Variants in GMNC observed in about 807,000 individuals in gnomAD.
GMNC encodes the protein geminin coiled-coil domain containing.
Under a neutral mutation model 33.6 loss-of-function variants are expected in GMNC, and 16 were observed. That is an observed-to-expected ratio of 0.48 (90% CI 0.32 to 0.72). The LOEUF (loss-of-function observed/expected upper bound fraction) is 0.72, where lower values mean the gene tolerates loss of function less well. GMNC is among the 30% of genes least tolerant of loss of function. GMNC has a pLI of 0.03. For missense variants in GMNC, 393 were observed against 388.9 expected (o/e 1.01, Z -0.09); for synonymous variants, 156 against 147.3 (o/e 1.06, Z -0.43).
chr3:190,856,001 C>T (rs1049246760), intron 4 of GMNC, 86 bp from the exon 5 acceptor site: 6 of 1,006,454 alleles, frequency 6.0e-6, no homozygotes, highest in Admixed American at 2.9e-5. Flanking sequence ...TTAAATTTCT[C>T]TTCACACAAG....
chr3:190,851,738 A>T (rs192217602), downstream of GMNC, among the ~76,000 whole-genome samples: 1 of 152,272 alleles, frequency 6.6e-6, no homozygotes, highest in Non-Finnish European at 1.5e-5. Flanking sequence ...GGGTACAGAA[A>T]ACTTTTTCTT....
chr3:190,846,605 C>A, the GMNC span, among the ~76,000 whole-genome samples: 1 of 152,058 alleles, frequency 6.6e-6, no homozygotes, highest in South Asian at 2.1e-4. Context: ...TGCTGATAAG[C>A]GCCTAATGAT....
At chr3:190,845,831 CT>C in the GMNC span, among the ~76,000 whole-genome samples, 13 of 152,058 alleles carry the variant, frequency 8.5e-5, no homozygotes, top group Non-Finnish European at 1.3e-4. Context: ...AGTGTAAATA[CT>C]TTTTTACAAA....
At chr3:190,860,616 A>G in intron 2 of GMNC, 68 bp downstream of exon 2, 8 of 1,362,962 alleles carry the variant, frequency 5.9e-6, no homozygotes, top group Non-Finnish European at 8.0e-6. Flanking sequence ...CCAGCCCATG[A>G]TGCTCCGCAG....
At chr3:190,849,185 G>A (rs1737595137), downstream of GMNC, among the ~76,000 whole-genome samples, 1 of 152,176 alleles carries the variant, frequency 6.6e-6, no homozygotes, top group Admixed American at 6.5e-5. Context: ...GGATTGGCTA[G>A]GTGGGACTAG....
chr3:190,855,198 A>G lies in GMNC; in HGVS notation c.*97T>C. The G allele has an allele frequency of 8.0e-7, 1 of 1,252,270 alleles. No homozygotes were observed. Among genetic ancestry groups the G allele is most frequent in the South Asian group, 1.5e-5 (1 of 66,214 alleles). 77.6% of individuals were successfully genotyped at this position (1,252,270 alleles called of 1,614,324 possible). ...ATTTAAAGTGGCAGGAGACAGTCTAAGCAACAGCTTCTGTGTTCCACATAG... is the reference window on the plus strand; with the variant it reads ...ATTTAAAGTGGCAGGAGACAGTCTAGGCAACAGCTTCTGTGTTCCACATAG... On this transcript the variant is annotated 3_prime_UTR_variant, in exon 5 of 5. Transcript: ENST00000442080.
Position 190,855,620 on chromosome 3 carries a change from G to T in GMNC, c.680C>A (p.Pro227Gln), listed in dbSNP as rs183865647. The T allele has an allele frequency of 6.4e-7, 1 of 1,551,492 alleles. No individual in the cohort carries two copies. Among genetic ancestry groups the T allele is most frequent in the Non-Finnish European group, 8.7e-7 (1 of 1,146,898 alleles). Residue 227 changes from proline (P) to glutamine (Q), a missense_variant, in exon 5 of 5, where the codon CCG becomes CAG. Pro to Gln is a moderately conservative substitution (Grantham distance 76). Coordinates refer to ENST00000442080, the MANE Select transcript of GMNC (RefSeq NM_001146686.3). Reference sequence around the variant, plus strand: ...ATTTTTATAATCAACTGCATCATCCGGAAACTGGGAAAATGTGCTGGCGAC... The same window carrying T: ...ATTTTTATAATCAACTGCATCATCCTGAAACTGGGAAAATGTGCTGGCGAC... ...RRVASTFSQF[P>Q]DDAVDYKNIP... is the part of the protein sequence containing the mutation.
At chr3:190,851,816 G>C (rs7631432), downstream of GMNC, among the ~76,000 whole-genome samples, 57,917 of 151,664 alleles carry the variant, frequency 0.38, 12,027 homozygotes, top group African/African-American at 0.54. Flanking sequence ...AAGTTTTTGT[G>C]ATTATTTATT....
intron 4 of GMNC, 98 bp from the exon 5 acceptor site, chr3:190,856,013 A>G (rs1737728283): frequency 2.3e-6 from 2 of 877,250 alleles, no homozygotes; most frequent in Non-Finnish European, 3.4e-6. Context: ...TCACACAAGT[A>G]AGATGGATTG....
rs567495319 is a variant in GMNC at position 190,862,013 on chromosome 3, G to A, written c.3+600C>T. Among the ~76,000 whole-genome samples the A allele has an allele frequency of 5.9e-5, 9 of 152,070 alleles. No homozygotes were observed. The South Asian group carries it at 1.7e-3, about 28-fold the overall frequency. On this transcript the variant is annotated intron_variant, in intron 1 of 4. Coordinates refer to ENST00000442080, the MANE Select transcript of GMNC (RefSeq NM_001146686.3). This position sits in a 1 kb window ranked among gnomAD's most constrained non-coding sequence, Gnocchi z 4.5. ...TCAATCGCACTTTGTTAATGTTCTC[G>A]GTAAATTAAGTTTTGAAAAATTCCA...
chr3:190,860,266 T>C (rs745340412), intron 2 of GMNC, among the ~76,000 whole-genome samples: 27 of 152,348 alleles, frequency 1.8e-4, no homozygotes, highest in South Asian at 8.3e-4. Flanking sequence ...TGGAACTTCC[T>C]CTATGAAATA....
rs1737708189 is a variant in GMNC at position 190,855,311 on chromosome 3, A to G, written c.989T>C (p.Val330Ala). ...GAGGGGTCACTAAGACTGCTTAGGG[A>G]CCCAGGTAAACTTCCAGCCTCCCTC... ...DEEGGWKFTW[V>A]PKQS Residue 330 changes from valine (V) to alanine (A), a missense_variant, in exon 5 of 5, where the codon GTC (valine) becomes GCC (alanine). Transcript: ENST00000442080. The G allele has an allele frequency of 6.4e-7, 1 of 1,551,114 alleles. No homozygotes were observed. Among genetic ancestry groups the G allele is most frequent in the African/African-American group, 1.4e-5 (1 of 72,934 alleles).
intron 4 of GMNC, among the ~76,000 whole-genome samples, chr3:190,856,509 A>T (rs986050052): frequency 7.3e-6 from 1 of 137,142 alleles, no homozygotes; most frequent in Non-Finnish European, 1.6e-5. Flanking sequence ...AATATTATTT[A>T]TACATAATAT....
rs1330024628 is a variant in GMNC at position 190,855,503 on chromosome 3, A to G, written c.797T>C (p.Leu266Pro). 11 of 1,551,816 alleles carry G rather than the reference A, an allele frequency of 7.1e-6. No individual in the cohort carries two copies. The highest frequency in any genetic ancestry group is 9.6e-6 in the Non-Finnish European group (11 of 1,146,952). Residue 266 changes from leucine to proline, a missense_variant, in exon 5 of 5, where the codon CTT becomes CCT. Coordinates refer to ENST00000442080, the MANE Select transcript of GMNC (RefSeq NM_001146686.3). ...TATHGEDFHI[L>P]SQLSNPPVGL... ...CACTGGGGGATTTGAAAGTTGAGAA[A>G]GGATGTGGAAATCTTCTCCATGAGT...
rs1354802870 is a variant in GMNC at position 190,857,787 on chromosome 3, G to C, written c.380C>G (p.Ala127Gly). The change falls in exon 4 of 5, where the codon GCC (alanine) becomes GGC (glycine). Residue 127 changes from alanine to glycine, a missense_variant. Physicochemically the swap from Ala to Gly is moderately conservative, Grantham distance 60 (BLOSUM62 0). Coordinates refer to ENST00000442080, the MANE Select transcript of GMNC (RefSeq NM_001146686.3). The part of the protein sequence containing the change: ...SALVKCLEEK[A>G]KKLLSSDEFS... ...AGATACATACATCATACATACCTTG[G>C]CCTTTTCTTCAAGACATTTAACCAA... 9.5e-6 allele frequency: 14 copies of C among 1,476,400 alleles called. No homozygotes were observed. Among genetic ancestry groups the C allele is most frequent in the Non-Finnish European group, 1.1e-5 (12 of 1,078,420 alleles). The allele number at this position is 1,476,400 out of a possible 1,614,324, so 91.5% of individuals were successfully genotyped here. A position where few individuals can be genotyped will look rare whatever the true frequency, so the allele number is the denominator to read the frequency against.
Position 190,855,519 on chromosome 3 carries a change from C to A in GMNC, c.781G>T (p.Glu261Ter). 1 of 1,551,786 alleles carries A rather than the reference C, an allele frequency of 6.4e-7. No individual in the cohort carries two copies. Among genetic ancestry groups the A allele is most frequent in the Non-Finnish European group, 8.7e-7 (1 of 1,146,984 alleles). The part of the protein sequence containing the change: ...TPLHSTATHG[E>*]DFHILSQLSN... The stretch of plus-strand genomic sequence containing the variant: ...AGTTGAGAAAGGATGTGGAAATCTT[C>A]TCCATGAGTGGCAGTGCTGTGCAAG... Residue 261 changes from glutamate (E) to a stop codon, truncating the protein, a stop_gained, in exon 5 of 5, where the codon GAA becomes TAA. Coordinates refer to ENST00000442080, the MANE Select transcript of GMNC (RefSeq NM_001146686.3). LOFTEE classifies it high-confidence loss of function.
At chr3:190,845,666 C>T in the GMNC span, among the ~76,000 whole-genome samples, 1 of 151,754 alleles carries the variant, frequency 6.6e-6, no homozygotes, top group African/African-American at 2.4e-5. Context: ...TATGCCACCA[C>T]GCCTGGCTAA....
At position 190,858,870 on chromosome 3, in the gene GMNC, C is replaced by T. The variant is rs80289211; in HGVS notation, c.267+58G>A. Reference sequence around the variant, plus strand: ...AAAGGGAAAAGAAGCAAGATATTAGCAGTGGGGAATGGACCACATAGAACA... The same window carrying T: ...AAAGGGAAAAGAAGCAAGATATTAGTAGTGGGGAATGGACCACATAGAACA... On this transcript the variant is annotated intron_variant, in intron 3 of 4. Coordinates refer to ENST00000442080, the MANE Select transcript of GMNC (RefSeq NM_001146686.3). 1.7e-3 allele frequency: 1,621 copies of T among 949,720 alleles called. 17 individuals carry two copies. The African/African-American group carries it at 0.022, about 13-fold the overall frequency. The allele number at this position is 949,720 out of a possible 1,614,324, so 58.8% of individuals were successfully genotyped here.
Position 190,853,957 on chromosome 3 carries a change from G to T in GMNC, c.*1338C>A, listed in dbSNP as rs190531278. On this transcript the variant is annotated 3_prime_UTR_variant, in exon 5 of 5. Transcript: ENST00000442080. ...CAAATTATTCTTACACAGTTACGCCGAGTTAACTGCAAAATGGGCTCTAGA... is the reference window on the plus strand; with the variant it reads ...CAAATTATTCTTACACAGTTACGCCTAGTTAACTGCAAAATGGGCTCTAGA... 2 of 152,216 alleles carry T rather than the reference G, an allele frequency of 1.3e-5. No homozygotes were observed. The highest frequency in any genetic ancestry group is 1.3e-4 in the Admixed American group (2 of 15,294). The allele number at this position is 152,216 out of a possible 1,614,324, so 9.4% of individuals were successfully genotyped here.
Sources: gnomAD v4.1 joint callset for allele counts (sites outside exome capture counted in the v4.1 genomes callset) on GRCh38, gnomAD v4.1.1 for gene constraint, Gnocchi (gnomAD v3.1) non-coding constraint, MANE v1.5 for transcripts, NCBI Gene and HGNC (gene_info 2026-07-23, HGNC 2026-07-21) for gene names.